Variants in KIAA0513 observed in about 807,000 individuals in gnomAD.
KIAA0513 encodes KIAA0513, also known as uncharacterized protein KIAA0513.
Under a neutral mutation model 56.5 loss-of-function variants are expected in KIAA0513, and 39 were observed. The ratio of observed to expected loss-of-function variants is 0.69; its 90% CI spans 0.53 to 0.90. The LOEUF (loss-of-function observed/expected upper bound fraction) is 0.90. Ranked by LOEUF, KIAA0513 falls within the 40% of genes least tolerant of loss-of-function variation. The pLI is 0.00. For synonymous variants in KIAA0513, 268 were observed against 215.6 expected (o/e 1.24, Z -2.13); for missense variants, 591 against 535.2 (o/e 1.10, Z -1.03).
intron 1 of KIAA0513, among the ~76,000 whole-genome samples, chr16:85,047,006 G>T (rs1405660059): frequency 6.6e-6 from 1 of 152,126 alleles, no homozygotes; most frequent in Non-Finnish European, 1.5e-5. Flanking sequence ...TTCTGGATTG[G>T]TCCTGAACAT....
At chr16:85,028,175 G>C (rs2072914837) in intron 1 of KIAA0513, among the ~76,000 whole-genome samples, 1 of 152,204 alleles carries the variant, frequency 6.6e-6, no homozygotes, top group African/African-American at 2.4e-5. Flanking sequence ...GCCGCTGCCT[G>C]GAGGAGGCGC....
chr16:85,033,928 G>A (rs1440975822), intron 1 of KIAA0513, among the ~76,000 whole-genome samples: 2 of 151,520 alleles, frequency 1.3e-5, no homozygotes, highest in Non-Finnish European at 2.9e-5. Context: ...CCCATTTCTT[G>A]TGTCTCCTTC....
intron 1 of KIAA0513, among the ~76,000 whole-genome samples, chr16:85,037,507 T>A (rs2073050925): frequency 6.6e-6 from 1 of 152,276 alleles, no homozygotes; most frequent in Admixed American, 6.5e-5. Flanking sequence ...ACGAACACAG[T>A]GTCCATATGT....
rs749756332 is a variant in KIAA0513, at chr16:85,087,115, C to T, written c.1135C>T (p.Leu379=). The T allele has an allele frequency of 1.9e-6, 3 of 1,614,202 alleles. No homozygotes were observed. The highest frequency in any genetic ancestry group is 1.7e-6 in the Non-Finnish European group (2 of 1,180,028). The part of the protein sequence containing the change: ...NMLAFGLNKK[L]CNDFLKKQAV... ...GCTGGCCTTTGGACTGAACAAGAAG[C>T]TGTGCAATGACTTCCTGAAGAAGCA... The change falls in exon 12 of 13, where the codon CTG becomes TTG. Residue 379 remains leucine, a synonymous_variant. Transcript: ENST00000683363.
chr16:85,044,469 C>G (rs1315479796), intron 1 of KIAA0513, among the ~76,000 whole-genome samples: 1 of 152,038 alleles, frequency 6.6e-6, no homozygotes, highest in African/African-American at 2.4e-5. Context: ...TAGTCTCTGT[C>G]CATCCACCAC....
At chr16:85,054,583 C>A (rs1298391177) in intron 1 of KIAA0513, among the ~76,000 whole-genome samples, 1 of 151,876 alleles carries the variant, frequency 6.6e-6, no homozygotes, top group South Asian at 2.1e-4. Context: ...GTGTGCACCA[C>A]CACACCTGGC....
At chr16:85,055,609 T>C (rs1244373629) in intron 1 of KIAA0513, among the ~76,000 whole-genome samples, 1 of 152,206 alleles carries the variant, frequency 6.6e-6, no homozygotes, top group Non-Finnish European at 1.5e-5. Context: ...CCCTCACCAC[T>C]TCCCCTTCTT....
At chr16:85,068,336 T>C (rs1046323110) in intron 2 of KIAA0513, among the ~76,000 whole-genome samples, 7 of 149,946 alleles carry the variant, frequency 4.7e-5, no homozygotes, top group Non-Finnish European at 1.0e-4. Flanking sequence ...TTTGTATTTT[T>C]TTTGTTTTTT....
intron 1 of KIAA0513, among the ~76,000 whole-genome samples, chr16:85,057,586 G>A (rs1206831342): frequency 6.6e-6 from 1 of 152,080 alleles, no homozygotes; most frequent in African/African-American, 2.4e-5. Context: ...TTCCAGTCCC[G>A]GGAATACTGC....
chr16:85,036,220 C>G (rs2073034328), intron 1 of KIAA0513, among the ~76,000 whole-genome samples: 2 of 152,148 alleles, frequency 1.3e-5, no homozygotes, highest in Admixed American at 6.5e-5. Context: ...TTCAATTGTA[C>G]AATTCAGTGA....
intron 2 of KIAA0513, 91 bp downstream of exon 2, chr16:85,067,491 T>A: frequency 9.6e-7 from 1 of 1,040,060 alleles, no homozygotes; most frequent in Non-Finnish European, 1.4e-6. Context: ...CTCCCCAGGG[T>A]GCCACCTGGG....
intron 1 of KIAA0513, among the ~76,000 whole-genome samples, chr16:85,053,176 A>G (rs2073278932): frequency 6.6e-6 from 1 of 152,230 alleles, no homozygotes; most frequent in Non-Finnish European, 1.5e-5. Flanking sequence ...GGCGTGAGCC[A>G]CCACGCCCGA....
chr16:85,080,836 T>C (rs944574116), intron 8 of KIAA0513, among the ~76,000 whole-genome samples: 4 of 152,200 alleles, frequency 2.6e-5, no homozygotes, highest in African/African-American at 9.6e-5. Context: ...TTTTTTTCCT[T>C]GAGTATCCCT....
chr16:85,086,563 C>T, intron 10 of KIAA0513, 81 bp from the exon 11 acceptor site: 1 of 1,383,930 alleles, frequency 7.2e-7, no homozygotes, highest in Non-Finnish European at 1.0e-6. Flanking sequence ...CCGCCAGCAC[C>T]TGCGGGTCAG....
intron 1 of KIAA0513, among the ~76,000 whole-genome samples, chr16:85,032,086 G>A (rs188666731): frequency 1.6e-4 from 25 of 152,284 alleles, no homozygotes; most frequent in African/African-American, 6.0e-4. Flanking sequence ...TTAAGGTGTC[G>A]ACAGGGCTGG....
chr16:85,048,044 G>A (rs567619799), intron 1 of KIAA0513, among the ~76,000 whole-genome samples: 2 of 152,336 alleles, frequency 1.3e-5, no homozygotes, highest in South Asian at 4.1e-4. Context: ...GAAATGAGAA[G>A]ATGTGTTTTA....
chr16:85,085,597 A>T (rs2073799115), intron 10 of KIAA0513, among the ~76,000 whole-genome samples: 1 of 152,208 alleles, frequency 6.6e-6, no homozygotes, highest in Non-Finnish European at 1.5e-5. Context: ...TCTCAGATGG[A>T]CGTGGTGTCC....
intron 1 of KIAA0513, among the ~76,000 whole-genome samples, chr16:85,032,164 C>T (rs1349448791): frequency 1.3e-5 from 2 of 152,160 alleles, no homozygotes; most frequent in Non-Finnish European, 2.9e-5. Flanking sequence ...GCCGGTGATC[C>T]GTGTTGTCCC....
At chr16:85,040,642 A>T (rs932810283) in intron 1 of KIAA0513, among the ~76,000 whole-genome samples, 2 of 152,212 alleles carry the variant, frequency 1.3e-5, no homozygotes, top group Non-Finnish European at 2.9e-5. Flanking sequence ...GAGAGGTTCC[A>T]CGCAGGCCCC....
Sources: allele counts gnomAD v4.1 joint callset (sites outside exome capture counted in the v4.1 genomes callset), GRCh38; gene constraint gnomAD v4.1.1; transcripts MANE v1.5; gene names NCBI Gene and HGNC (gene_info 2026-07-23, HGNC 2026-07-21).